Variants in NRXN2 observed in about 807,000 individuals in gnomAD.
The protein encoded by NRXN2 is neurexin 2.
Under a neutral mutation model 128.8 loss-of-function variants are expected in NRXN2, and 29 were observed. That is an observed-to-expected ratio of 0.23 (90% CI 0.17 to 0.31). NRXN2 has a LOEUF of 0.31. NRXN2 is among the 10% of genes least tolerant of loss of function. The pLI is 1.00. For missense variants in NRXN2, 1,881 were observed against 2,452.6 expected, an observed-to-expected ratio of 0.77 and a Z score of 4.92; for synonymous variants, 1,098 against 1,075.2, an observed-to-expected ratio of 1.02 and a Z score of -0.41.
chr11:64,608,673 C>T (rs568791138), intron 22 of NRXN2, among the ~76,000 whole-genome samples: 2 of 152,242 alleles, frequency 1.3e-5, no homozygotes, highest in Admixed American at 6.5e-5. Context: ...TTCCGTACAA[C>T]GTTTTCTGTC....
chr11:64,632,320 C>G lies in NRXN2; in HGVS notation c.3586-1747G>C, dbSNP rs1318549120. ...ACACAGTCATACATGCATGCAGCCT[C>G]TCTCCTCAGATGCAGTAAAGCAGGG... On this transcript the variant is annotated intron_variant, in intron 18 of 22. Transcript: ENST00000265459. The surrounding 1 kb of genome is among the most constrained non-coding windows in gnomAD (Gnocchi z 4.2). Among the ~76,000 whole-genome samples the G allele has an allele frequency of 2.0e-5, 3 of 152,202 alleles. No individual in the cohort carries two copies. Among genetic ancestry groups the G allele is most frequent in the Non-Finnish European group, 4.4e-5 (3 of 68,028 alleles).
chr11:64,720,349 G>C (rs557253057), intron 1 of NRXN2, among the ~76,000 whole-genome samples: 1 of 152,256 alleles, frequency 6.6e-6, no homozygotes, highest in Non-Finnish European at 1.5e-5. Context: ...GGTGGGTGGC[G>C]TGTGAGGACA....
At chr11:64,615,438 G>A (rs2041319602) in intron 22 of NRXN2, among the ~76,000 whole-genome samples, 1 of 152,228 alleles carries the variant, frequency 6.6e-6, no homozygotes, top group Non-Finnish European at 1.5e-5. Context: ...GTGGTTCTAC[G>A]GGTCTCGGCA....
In NRXN2 at chr11:64,606,708, A is replaced by G. The variant is rs1305344458; in HGVS notation, c.*488T>C. On this transcript the variant is annotated 3_prime_UTR_variant, in exon 23 of 23. Transcript: ENST00000265459. ...GAAGGGAGAAACCAGACACACAAAA[A>G]AAGAAGTAGGGAAGGAGGGTGGGGA... 6.6e-6 allele frequency: 1 copy of G among 151,492 alleles called. No individual in the cohort carries two copies. The highest frequency in any genetic ancestry group is 1.5e-5 in the Non-Finnish European group (1 of 68,262). 9.4% of individuals were successfully genotyped at this position (151,492 alleles called of 1,614,324 possible).
At chr11:64,626,622 T>C in intron 19 of NRXN2, 70 bp from the exon 20 acceptor site, 1 of 1,135,298 alleles carries the variant, frequency 8.8e-7, no homozygotes, top group South Asian at 1.2e-5. Flanking sequence ...AAAGTAATTA[T>C]GCAATCCTCA....
intron 7 of NRXN2, among the ~76,000 whole-genome samples, chr11:64,674,181 C>CT (rs1263002503): frequency 6.6e-6 from 1 of 151,876 alleles, no homozygotes; most frequent in Non-Finnish European, 1.5e-5. Context: ...TGGCTTCTTC[C>CT]TTTTTTTGTT....
chr11:64,636,853 C>T (rs1245919457), intron 17 of NRXN2, among the ~76,000 whole-genome samples: 2 of 152,036 alleles, frequency 1.3e-5, no homozygotes, highest in African/African-American at 4.8e-5. Context: ...CGGGGTCTCT[C>T]GCCTCAGGGA....
intron 17 of NRXN2, chr11:64,642,635 G>A (rs2045884323): frequency 6.2e-7 from 1 of 1,604,744 alleles, no homozygotes; most frequent in Non-Finnish European, 8.5e-7. Flanking sequence ...GTGGTGCTGA[G>A]GCTGGAGGAG....
chr11:64,722,128 T>C (rs541542323), intron 1 of NRXN2, among the ~76,000 whole-genome samples: 7 of 152,026 alleles, frequency 4.6e-5, no homozygotes, highest in Non-Finnish European at 7.4e-5. Flanking sequence ...GGCTGGGACA[T>C]GAGAAATGGT....
At position 64,648,896 on chromosome 11, in the gene NRXN2, T is replaced by A; in HGVS notation, c.3121A>T (p.Ile1041Phe). Residue 1041 changes from isoleucine to phenylalanine, a missense_variant, in exon 16 of 23, where the codon ATT (isoleucine) becomes TTT (phenylalanine). Physicochemically the swap from Ile to Phe is conservative, Grantham distance 21. Around this residue, in one of 7 missense-constraint regions of NRXN2, gnomAD observed 390 missense variants for 599.6 expected, o/e 0.65. Coordinates refer to ENST00000265459, the MANE Select transcript of NRXN2 (RefSeq NM_015080.4). The surrounding 1 kb of genome is among the most constrained non-coding windows in gnomAD (Gnocchi z 4.1). ...AACATATTCTTGCTCAGACCGCCAA[T>A]GTACAACTCCCCTGCAAAGGGAGTG... ...RNLDLKGELYIGGLSKNMFSN... is the reference protein window; with the variant it reads ...RNLDLKGELYFGGLSKNMFSN... 1 of 1,614,162 alleles carries A rather than the reference T, an allele frequency of 6.2e-7. No homozygotes were observed. The highest frequency in any genetic ancestry group is 8.5e-7 in the Non-Finnish European group (1 of 1,180,012).
chr11:64,712,925 T>C, intron 2 of NRXN2, 45 bp downstream of exon 2: 1 of 1,477,106 alleles, frequency 6.8e-7, no homozygotes, highest in East Asian at 2.7e-5. Flanking sequence ...CCCCAGGCCC[T>C]CACCCCCGCG....
intron 17 of NRXN2, chr11:64,642,535 T>C: frequency 6.2e-7 from 1 of 1,607,316 alleles, no homozygotes; most frequent in Non-Finnish European, 8.5e-7. Flanking sequence ...ACAGTGCCAC[T>C]TACCGTGGCC....
chr11:64,648,364 C>T lies in NRXN2; in HGVS notation c.3284-26G>A, dbSNP rs1389753054. On this transcript the variant is annotated intron_variant, in intron 16 of 22. Transcript: ENST00000265459. This position sits in a 1 kb window ranked among gnomAD's most constrained non-coding sequence, Gnocchi z 4.1. ...CTGGAAGGGGCAGGAGAAAGGAACA[C>T]CCCTGGCTCAGCCAAGCCCCCTCTT... is the stretch of plus-strand genomic sequence containing the variant. 2 of 1,613,876 alleles carry T rather than the reference C, an allele frequency of 1.2e-6. No homozygotes were observed. The highest frequency in any genetic ancestry group is 8.5e-7 in the Non-Finnish European group (1 of 1,179,894).
chr11:64,685,476 C>T (rs942384699), intron 6 of NRXN2, among the ~76,000 whole-genome samples, 170 bp downstream of exon 6: 3 of 152,182 alleles, frequency 2.0e-5, no homozygotes, highest in African/African-American at 7.2e-5. Flanking sequence ...CTGCCAGCCA[C>T]TGCAGCCTTA....
At chr11:64,671,670 G>C (rs527596969) in intron 7 of NRXN2, among the ~76,000 whole-genome samples, 1 of 152,096 alleles carries the variant, frequency 6.6e-6, no homozygotes, top group Non-Finnish European at 1.5e-5. Context: ...GAAGGCGTGC[G>C]GGGCAGGGGC....
chr11:64,645,617 CTT>C (rs778023139), intron 17 of NRXN2, among the ~76,000 whole-genome samples: 12 of 152,234 alleles, frequency 7.9e-5, no homozygotes, highest in Middle Eastern at 3.4e-3. Context: ...TCCATCTCAT[CTT>C]TTCTCTCCTG....
rs748341290 is a variant in NRXN2 at position 64,648,705 on chromosome 11, C to G, written c.3283+29G>C. 1 of 1,612,376 alleles carries G rather than the reference C, an allele frequency of 6.2e-7. No homozygotes were observed. The highest frequency in any genetic ancestry group is 8.5e-7 in the Non-Finnish European group (1 of 1,179,720). ...CTGGCCATCCTGTAGCCAGTAGGGC[C>G]ACACCTCACTCCTCCACCCTCCACT... On this transcript the variant is annotated intron_variant, in intron 16 of 22. Transcript: ENST00000265459. This position sits in a 1 kb window ranked among gnomAD's most constrained non-coding sequence, Gnocchi z 4.1.
chr11:64,610,095 T>G (rs2040387258), intron 22 of NRXN2, among the ~76,000 whole-genome samples: 1 of 150,164 alleles, frequency 6.7e-6, no homozygotes, highest in Non-Finnish European at 1.5e-5. Flanking sequence ...AGAGCTGTCC[T>G]TGGCCACGCC....
At chr11:64,712,841 G>A in intron 2 of NRXN2, 129 bp downstream of exon 2, 1 of 884,654 alleles carries the variant, frequency 1.1e-6, no homozygotes, top group Non-Finnish European at 1.8e-6. Context: ...TGGAGCGCTC[G>A]CACCCACTCA....
Sources: allele counts gnomAD v4.1 joint callset (sites outside exome capture counted in the v4.1 genomes callset), GRCh38; gene constraint gnomAD v4.1.1; regional missense constraint gnomAD v4.1.1; non-coding constraint Gnocchi (gnomAD v3.1); transcripts MANE v1.5; gene names NCBI Gene and HGNC (gene_info 2026-07-23, HGNC 2026-07-21).